Variants in PTPRN2 observed in about 807,000 individuals in gnomAD.
PTPRN2 encodes the protein receptor-type tyrosine-protein phosphatase N2.
A neutral mutation model predicts 118.8 loss-of-function variants in PTPRN2; 74 were observed. The observed-to-expected ratio is 0.62, with a 90% confidence interval of 0.52 to 0.76. The LOEUF (loss-of-function observed/expected upper bound fraction) is 0.76. Among genes scored for constraint, PTPRN2 ranks in the 30% least tolerant of loss-of-function variants. The pLI, the probability that PTPRN2 is intolerant of heterozygous loss-of-function variation, is 0.00. For missense variants in PTPRN2, 1,481 were observed against 1,394.4 expected, an observed-to-expected ratio of 1.06 and a Z score of -0.99; for synonymous variants, 641 against 608.0, an observed-to-expected ratio of 1.05 and a Z score of -0.80.
At chr7:157,594,808 G>A (rs985728061) in intron 17 of PTPRN2, among the ~76,000 whole-genome samples, 1 of 152,178 alleles carries the variant, frequency 6.6e-6, no homozygotes, top group Non-Finnish European at 1.5e-5. Context: ...CTGGGCTTGC[G>A]TCGAGTAGAG....
intron 12 of PTPRN2, among the ~76,000 whole-genome samples, chr7:157,814,630 C>T (rs1229025205): frequency 2.0e-5 from 3 of 152,132 alleles, no homozygotes; most frequent in African/African-American, 7.2e-5. Flanking sequence ...CATATGGGGC[C>T]ATCTGCCACC....
At chr7:158,184,089 G>A (rs1261100698) in intron 5 of PTPRN2, among the ~76,000 whole-genome samples, 1 of 151,952 alleles carries the variant, frequency 6.6e-6, no homozygotes, top group African/African-American at 2.4e-5. Context: ...AATCTTTTGT[G>A]TGTCTTTCGA....
At chr7:157,607,917 G>A (rs1256260742) in intron 15 of PTPRN2, among the ~76,000 whole-genome samples, 1 of 152,136 alleles carries the variant, frequency 6.6e-6, no homozygotes, top group Non-Finnish European at 1.5e-5. Flanking sequence ...GCTTCTTGGT[G>A]GAAAATTGTT....
At position 158,386,495 on chromosome 7, in the gene PTPRN2, C is replaced by T. The variant is rs571800164; in HGVS notation, c.164-69563G>A. Among the ~76,000 whole-genome samples, 38 of 152,162 alleles carry T rather than the reference C, an allele frequency of 2.5e-4. 1 individual carries two copies. The highest frequency in any genetic ancestry group is 1.4e-3 in the Admixed American group (22 of 15,276). The stretch of plus-strand genomic sequence containing the variant: ...CCAGGCTCATTCATCCAATTCCCCT[C>T]GGGACCAGGGTATGCACTTTTCCAG... On this transcript the variant is annotated intron_variant, in intron 2 of 22. Transcript: ENST00000389418.
chr7:158,239,756 C>T (rs78995598), intron 3 of PTPRN2, among the ~76,000 whole-genome samples: 8 of 152,320 alleles, frequency 5.3e-5, no homozygotes, highest in Non-Finnish European at 8.8e-5. Context: ...TCTGGATGCA[C>T]GCCAAGACAA....
chr7:158,335,250 G>C (rs1319678575), intron 2 of PTPRN2, among the ~76,000 whole-genome samples: 2 of 13,736 alleles, frequency 1.5e-4, no homozygotes, highest in South Asian at 4.2e-3. Context: ...ACCATAAGAG[G>C]TGACACCTGC....
At chr7:158,412,273 C>A (rs9638123) in intron 2 of PTPRN2, among the ~76,000 whole-genome samples, 10,944 of 55,404 alleles carry the variant, frequency 0.2, 1,457 homozygotes, top group East Asian at 0.52. Context: ...AGCACCAGGG[C>A]CCATCTCAGC....
chr7:157,814,306 A>G (rs575857080), intron 12 of PTPRN2, among the ~76,000 whole-genome samples: 1 of 152,322 alleles, frequency 6.6e-6, no homozygotes, highest in African/African-American at 2.4e-5. Flanking sequence ...GGGTGTCCAC[A>G]GAGAGCTCCC....
intron 11 of PTPRN2, among the ~76,000 whole-genome samples, chr7:157,943,753 CG>C (rs562996637): frequency 1.3e-5 from 2 of 152,112 alleles, no homozygotes; most frequent in Non-Finnish European, 2.9e-5. Flanking sequence ...CCGAAGCCCC[CG>C]CCTCCTCTGC....
intron 2 of PTPRN2, among the ~76,000 whole-genome samples, chr7:158,384,363 G>A (rs759378139): frequency 3.3e-5 from 5 of 152,194 alleles, no homozygotes; most frequent in East Asian, 1.9e-4. Context: ...TGTGGGGACC[G>A]CGGGCTGTAA....
At position 158,332,877 on chromosome 7, in the gene PTPRN2, A is replaced by G. The variant is rs1285628848; in HGVS notation, c.164-15945T>C. Among the ~76,000 whole-genome samples the G allele has an allele frequency of 3.0e-4, 44 of 145,238 alleles. No homozygotes were observed. In the South Asian group the frequency reaches 6.8e-3, roughly 22 times the overall value. Reference sequence around the variant, plus strand: ...TCACTCACACCCACACTCTCACCATAAGAAGTGACACCTGCAAACGTCACT... The same window carrying G: ...TCACTCACACCCACACTCTCACCATGAGAAGTGACACCTGCAAACGTCACT... On this transcript the variant is annotated intron_variant, in intron 2 of 22. Coordinates refer to ENST00000389418, the MANE Select transcript of PTPRN2 (RefSeq NM_002847.5).
At chr7:157,822,406 T>C (rs1806902472) in intron 12 of PTPRN2, among the ~76,000 whole-genome samples, 1 of 151,544 alleles carries the variant, frequency 6.6e-6, no homozygotes, top group Admixed American at 6.6e-5. Context: ...ATACTATCCA[T>C]TAACTATCCA....
intron 11 of PTPRN2, among the ~76,000 whole-genome samples, chr7:157,982,536 AG>A (rs1803351831): frequency 8.3e-6 from 1 of 119,930 alleles, no homozygotes. Flanking sequence ...AGAGACGAGG[AG>A]GGGAATGCAG....
At chr7:158,071,343 G>A (rs1179619961) in intron 11 of PTPRN2, among the ~76,000 whole-genome samples, 28 of 118,230 alleles carry the variant, frequency 2.4e-4, no homozygotes, top group African/African-American at 4.3e-4. Context: ...GGTGGTGGAG[G>A]TGCTCGTGGT....
chr7:158,304,128 G>A (rs1236070338), intron 3 of PTPRN2, among the ~76,000 whole-genome samples: 1 of 150,406 alleles, frequency 6.6e-6, no homozygotes, highest in Non-Finnish European at 1.5e-5. Context: ...TGCTAGGGAG[G>A]CATAAGACAT....
chr7:158,413,870 T>C (rs904438307), intron 2 of PTPRN2, among the ~76,000 whole-genome samples: 2 of 152,168 alleles, frequency 1.3e-5, no homozygotes, highest in Non-Finnish European at 2.9e-5. Flanking sequence ...CCAGGTGTGA[T>C]GGCTCACGCC....
At chr7:157,709,947 C>T (rs983038361) in intron 12 of PTPRN2, among the ~76,000 whole-genome samples, 1 of 152,178 alleles carries the variant, frequency 6.6e-6, no homozygotes, top group Non-Finnish European at 1.5e-5. Context: ...GAAGGAGTTT[C>T]CCTCACTTAG....
intron 2 of PTPRN2, among the ~76,000 whole-genome samples, chr7:158,452,629 C>T (rs765131486): frequency 3.9e-5 from 6 of 152,286 alleles, no homozygotes; most frequent in African/African-American, 9.6e-5. Context: ...AGGATTCCAG[C>T]GGACACCTCT....
chr7:158,188,939 A>C (rs1023063438), intron 5 of PTPRN2, among the ~76,000 whole-genome samples: 1 of 152,166 alleles, frequency 6.6e-6, no homozygotes, highest in East Asian at 1.9e-4. Flanking sequence ...TGCTGAGTCC[A>C]GCAGAACCAC....
Sources: gnomAD v4.1 joint callset for allele counts (sites outside exome capture counted in the v4.1 genomes callset) on GRCh38, gnomAD v4.1.1 for gene constraint, MANE v1.5 for transcripts, NCBI Gene and HGNC (gene_info 2026-07-23, HGNC 2026-07-21) for gene names.